KCNIP1: variants seen among roughly 807,000 people sequenced by gnomAD.
KCNIP1 encodes the protein A-type potassium channel modulatory protein KCNIP1.
In KCNIP1, 18 loss-of-function variants were observed where a neutral mutation model predicts 33.0. The ratio of observed to expected loss-of-function variants is 0.55; its 90% CI spans 0.38 to 0.81. KCNIP1 has a LOEUF of 0.81. Ranked by LOEUF, KCNIP1 falls within the 30% of genes least tolerant of loss-of-function variation. The pLI is 0.00. For missense variants in KCNIP1, 238 were observed against 271.6 expected (o/e 0.88, Z 0.87); for synonymous variants, 93 against 98.3 (o/e 0.95, Z 0.32).
intron 1 of KCNIP1, among the ~76,000 whole-genome samples, chr5:170,392,826 C>A (rs1027106511): frequency 6.6e-6 from 1 of 152,032 alleles, no homozygotes; most frequent in Admixed American, 6.6e-5. Flanking sequence ...TCCATCTAAA[C>A]CAAAACAAAC....
At chr5:170,404,799 T>C (rs548975001) in intron 1 of KCNIP1, among the ~76,000 whole-genome samples, 1 of 152,376 alleles carries the variant, frequency 6.6e-6, no homozygotes, top group African/African-American at 2.4e-5. Flanking sequence ...GTGGCCATTT[T>C]TGCAATCTAT....
intron 1 of KCNIP1, chr5:170,679,376 G>GCAAGACAAGACA (rs1357876410): frequency 6.6e-6 from 1 of 152,258 alleles, no homozygotes; most frequent in Non-Finnish European, 1.5e-5. Context: ...GAGACACAGA[G>GCAAGACAAGACA]CAGGGAAGAC....
chr5:170,448,300 C>T (rs1400595761), intron 1 of KCNIP1, among the ~76,000 whole-genome samples: 2 of 152,256 alleles, frequency 1.3e-5, no homozygotes, highest in Non-Finnish European at 2.9e-5. Context: ...TTCCAGGAAA[C>T]CCCAAAATAG....
At chr5:170,678,649 A>G (rs1295890382) in intron 1 of KCNIP1, 1 of 152,174 alleles carries the variant, frequency 6.6e-6, no homozygotes, top group Non-Finnish European at 1.5e-5. Flanking sequence ...TTACCTGTTG[A>G]TGGGACCTCA....
At position 170,411,128 on chromosome 5, in the gene KCNIP1, T is replaced by C. The variant is rs1476229904; in HGVS notation, c.88+57164T>C. On this transcript the variant is annotated intron_variant, in intron 1 of 7. Coordinates refer to the KCNIP1 transcript ENST00000377360. ...CCTCAAGGAGCACCCAGACATATCA[T>C]GTGGCCAAGATGATTGCATCCAAGC... is the stretch of plus-strand genomic sequence containing the variant. Among the ~76,000 whole-genome samples the C allele has an allele frequency of 3.3e-5, 5 of 152,234 alleles. No homozygotes were observed. In the South Asian group the frequency reaches 8.3e-4, roughly 25 times the overall value.
intron 1 of KCNIP1, among the ~76,000 whole-genome samples, chr5:170,585,029 C>G (rs1436097667): frequency 6.6e-6 from 1 of 152,056 alleles, no homozygotes; most frequent in African/African-American, 2.4e-5. Context: ...GAAGTAGACA[C>G]TACTAGTACC....
chr5:170,715,216 A>G (rs1360844300), intron 1 of KCNIP1, among the ~76,000 whole-genome samples: 7 of 152,238 alleles, frequency 4.6e-5, no homozygotes, highest in African/African-American at 1.7e-4. Context: ...TAGGAGCAAA[A>G]GGCCATACCA....
chr5:170,578,027 G>T (rs191653218), intron 1 of KCNIP1, among the ~76,000 whole-genome samples: 4 of 152,184 alleles, frequency 2.6e-5, no homozygotes, highest in Non-Finnish European at 5.9e-5. Flanking sequence ...ATTGCTAGAC[G>T]TGGAATTACT....
intron 1 of KCNIP1, among the ~76,000 whole-genome samples, chr5:170,712,493 G>T (rs1763485114): frequency 6.6e-6 from 1 of 152,196 alleles, no homozygotes; most frequent in Non-Finnish European, 1.5e-5. Flanking sequence ...ATTGTGGAGG[G>T]TATCTTATAA....
intron 1 of KCNIP1, among the ~76,000 whole-genome samples, chr5:170,623,118 G>C (rs949165653): frequency 2.0e-5 from 3 of 152,230 alleles, no homozygotes; most frequent in African/African-American, 7.2e-5. Context: ...GAGCTCAGGC[G>C]GTAATGCTTG....
At chr5:170,692,978 C>T (rs539417888) in intron 1 of KCNIP1, among the ~76,000 whole-genome samples, 3 of 152,310 alleles carry the variant, frequency 2.0e-5, no homozygotes, top group East Asian at 1.9e-4. Flanking sequence ...ATGACTTTAG[C>T]GGAGTTTCTG....
intron 1 of KCNIP1, among the ~76,000 whole-genome samples, chr5:170,704,815 A>C (rs1581523454): frequency 6.6e-6 from 1 of 152,102 alleles, no homozygotes; most frequent in East Asian, 1.9e-4. Flanking sequence ...CCCCTCCCCC[A>C]CCATCAAGGC....
At chr5:170,512,010 C>T (rs1754950016) in intron 1 of KCNIP1, among the ~76,000 whole-genome samples, 1 of 152,048 alleles carries the variant, frequency 6.6e-6, no homozygotes, top group Non-Finnish European at 1.5e-5. Context: ...TGCTTTTAGC[C>T]CCATCCCAAC....
intron 1 of KCNIP1, among the ~76,000 whole-genome samples, chr5:170,473,840 A>G (rs576974052): frequency 1.3e-5 from 2 of 152,272 alleles, no homozygotes; most frequent in Admixed American, 6.5e-5. Flanking sequence ...GGGTCCCAGT[A>G]TCTTTGCCAG....
chr5:170,664,737 GACAA>G (rs770759941), intron 1 of KCNIP1, among the ~76,000 whole-genome samples: 3 of 152,114 alleles, frequency 2.0e-5, no homozygotes, highest in Non-Finnish European at 4.4e-5. Context: ...AAAGCAAAAA[GACAA>G]ACAAACAGTT....
chr5:170,397,336 T>G (rs1445167948), intron 1 of KCNIP1, among the ~76,000 whole-genome samples: 1 of 152,220 alleles, frequency 6.6e-6, no homozygotes, highest in Non-Finnish European at 1.5e-5. Flanking sequence ...AGCTTGTTGC[T>G]GCAGTCCCCA....
In KCNIP1 at chr5:170,380,261, C is replaced by G. The variant is rs534391511; in HGVS notation, c.88+26297C>G. ...TGTTCTGAGCTGCAAGTGTGGTGCC[C>G]CCATCTGCAGCAGAATACCTACAGG... On this transcript the variant is annotated intron_variant, in intron 1 of 7. Transcript: ENST00000377360. 2.5e-3 allele frequency among the ~76,000 whole-genome samples: 379 copies of G among 152,278 alleles called. 1 individual carries two copies. The highest frequency in any genetic ancestry group is 8.1e-3 in the South Asian group (39 of 4,828).
At position 170,735,761 on chromosome 5, in the gene KCNIP1, C is replaced by T. The variant is rs112326328; in HGVS notation, c.606C>T (p.Asp202=). Residue 202 remains aspartate, a splice_region_variant and synonymous_variant, in exon 8 of 8, where the codon GAC becomes GAT. Coordinates refer to ENST00000328939, the MANE Select transcript of KCNIP1 (RefSeq NM_014592.4). ...LDEFLESCQE[D]DNIMRSLQLF... ...CTCTTGCCCTCCTTTTTTCCCAGGA[C>T]GACAACATCATGAGGTCTCTCCAGC... The T allele has an allele frequency of 7.1e-5, 114 of 1,613,740 alleles. No individual in the cohort carries two copies. The highest frequency in any genetic ancestry group is 2.9e-4 in the South Asian group (26 of 91,066).
intron 1 of KCNIP1, among the ~76,000 whole-genome samples, chr5:170,417,984 G>A (rs1755376149): frequency 1.3e-5 from 2 of 152,126 alleles, no homozygotes; most frequent in African/African-American, 4.8e-5. Context: ...ATTTTGTGCT[G>A]CCACGTTAAA....
Sources: allele counts gnomAD v4.1 joint callset (sites outside exome capture counted in the v4.1 genomes callset), GRCh38; gene constraint gnomAD v4.1.1; transcripts MANE v1.5; gene names NCBI Gene and HGNC (gene_info 2026-07-23, HGNC 2026-07-21).